Variants in MAGI1 observed in about 807,000 individuals in gnomAD.
MAGI1 encodes the protein membrane associated guanylate kinase, WW and PDZ domain containing 1.
MAGI1 carries 58 observed loss-of-function variants against 139.9 expected under a neutral mutation model. That is an observed-to-expected ratio of 0.41 (90% CI 0.34 to 0.52). MAGI1 has a LOEUF of 0.52. Ranked by LOEUF, MAGI1 falls within the 20% of genes least tolerant of loss-of-function variation. The probability of loss-of-function intolerance (pLI) is 0.12; values close to 1 mark genes in which losing one functional copy is unlikely to be tolerated. For synonymous variants in MAGI1, 812 were observed against 737.9 expected, an observed-to-expected ratio of 1.10 and a Z score of -1.63; for missense variants, 1,874 against 1,901.6, an observed-to-expected ratio of 0.99 and a Z score of 0.27.
At chr3:65,420,594 C>A (rs186356329) in intron 12 of MAGI1, among the ~76,000 whole-genome samples, 1 of 152,078 alleles carries the variant, frequency 6.6e-6, no homozygotes, top group Non-Finnish European at 1.5e-5. Flanking sequence ...ATGACAGGCA[C>A]GTGATGTTAA....
chr3:65,556,654 G>A (rs1353655699), intron 2 of MAGI1, among the ~76,000 whole-genome samples: 1 of 152,122 alleles, frequency 6.6e-6, no homozygotes, highest in African/African-American at 2.4e-5. Flanking sequence ...CATCCACCAT[G>A]ATCTTTTGCC....
chr3:65,802,848 C>CTGTGTGTG (rs55814110), intron 1 of MAGI1, among the ~76,000 whole-genome samples: 10,026 of 138,112 alleles, frequency 0.073, 480 homozygotes, highest in East Asian at 0.21. Context: ...ATCATCTCAT[C>CTGTGTGTG]TGTGTGTGTG....
chr3:65,442,067 T>G (rs2107433874), intron 8 of MAGI1, among the ~76,000 whole-genome samples: 1 of 136,884 alleles, frequency 7.3e-6, no homozygotes, highest in Non-Finnish European at 1.5e-5. Flanking sequence ...CTGAGGAAAC[T>G]ACATAATACA....
At chr3:66,037,265 G>A (rs1214952166) in intron 1 of MAGI1, among the ~76,000 whole-genome samples, 1 of 152,206 alleles carries the variant, frequency 6.6e-6, no homozygotes, top group Non-Finnish European at 1.5e-5. Context: ...AGCCGGGCAT[G>A]TAGTAAACCA....
chr3:65,884,629 G>A (rs781144375), intron 1 of MAGI1, among the ~76,000 whole-genome samples: 46 of 151,944 alleles, frequency 3.0e-4, no homozygotes, highest in Admixed American at 3.3e-4. Flanking sequence ...GGGGGTACAT[G>A]TGCAGGTTAG....
chr3:65,979,091 C>CT (rs2065423929), intron 1 of MAGI1, among the ~76,000 whole-genome samples: 4 of 102,330 alleles, frequency 3.9e-5, no homozygotes, highest in African/African-American at 1.6e-4. Context: ...CTTTTCTTCC[C>CT]CCCCCCCGCC....
At chr3:65,487,904 C>A (rs1242254659) in intron 3 of MAGI1, among the ~76,000 whole-genome samples, 1 of 152,190 alleles carries the variant, frequency 6.6e-6, no homozygotes, top group East Asian at 1.9e-4. Context: ...AGCCACCAGC[C>A]ATGTGTGGCT....
At chr3:65,720,013 G>A (rs555229187) in intron 1 of MAGI1, 17 of 152,182 alleles carry the variant, frequency 1.1e-4, no homozygotes, top group Non-Finnish European at 2.2e-4. Flanking sequence ...CTAAGTTATT[G>A]TTGACAGTAT....
intron 5 of MAGI1, among the ~76,000 whole-genome samples, chr3:65,453,559 A>T (rs1231250213): frequency 6.6e-6 from 1 of 152,132 alleles, no homozygotes; most frequent in Non-Finnish European, 1.5e-5. Flanking sequence ...ACATATGATT[A>T]TTCAATTACT....
At chr3:65,404,552 C>G (rs1945179756) in intron 12 of MAGI1, among the ~76,000 whole-genome samples, 1 of 152,172 alleles carries the variant, frequency 6.6e-6, no homozygotes, top group Non-Finnish European at 1.5e-5. Flanking sequence ...AATCAAGAGA[C>G]TCCACTTGAT....
chr3:65,578,953 G>A (rs1326663789), intron 2 of MAGI1, among the ~76,000 whole-genome samples: 1 of 151,586 alleles, frequency 6.6e-6, no homozygotes, highest in African/African-American at 2.4e-5. Flanking sequence ...GAGACAGAGA[G>A]AGAGAGAGAG....
intron 2 of MAGI1, among the ~76,000 whole-genome samples, chr3:65,582,013 C>T (rs1233507609): frequency 6.6e-6 from 1 of 152,074 alleles, no homozygotes; most frequent in Admixed American, 6.6e-5. Flanking sequence ...TGCACTAGCC[C>T]CTGTGGTAGA....
chr3:65,855,011 G>T lies in MAGI1; in HGVS notation c.313+182985C>A, dbSNP rs145136672. On this transcript the variant is annotated intron_variant, in intron 1 of 22. Transcript: ENST00000402939. ...CATCTGCTGGGTATTATGCAAGAGG[G>T]GATGGATGGTGCTGGCTGCAGCTGC... Among the ~76,000 whole-genome samples, 668 of 152,322 alleles carry T rather than the reference G, an allele frequency of 4.4e-3. 6 individuals are homozygous for T. Among genetic ancestry groups the T allele is most frequent in the African/African-American group, 0.015 (628 of 41,576 alleles).
chr3:66,014,862 C>T (rs2067537168), intron 1 of MAGI1, among the ~76,000 whole-genome samples: 1 of 152,166 alleles, frequency 6.6e-6, no homozygotes. Flanking sequence ...GCCTTTGCTC[C>T]CACTGTTGCC....
intron 2 of MAGI1, among the ~76,000 whole-genome samples, chr3:65,527,541 T>C (rs906567273): frequency 2.0e-5 from 3 of 152,026 alleles, no homozygotes; most frequent in Non-Finnish European, 2.9e-5. Flanking sequence ...CTGGTTAACA[T>C]GGTGAAACCC....
intron 1 of MAGI1, among the ~76,000 whole-genome samples, chr3:65,802,234 C>A (rs2040560485): frequency 6.6e-6 from 1 of 152,136 alleles, no homozygotes; most frequent in Non-Finnish European, 1.5e-5. Context: ...AGGTACAATT[C>A]TGCCCTTAAA....
In MAGI1 at chr3:65,912,732, A is replaced by G. The variant is rs560394211; in HGVS notation, c.313+125264T>C. Among the ~76,000 whole-genome samples, 15 of 152,306 alleles carry G rather than the reference A, an allele frequency of 9.8e-5. No individual in the cohort carries two copies. In the South Asian group the frequency reaches 3.1e-3, roughly 32 times the overall value. On this transcript the variant is annotated intron_variant, in intron 1 of 22. Transcript: ENST00000402939. ...CCTTAGAAGATTATTATGAGAATCAAAAGAAAGCATGAACATGGAAAATTT... is the reference window on the plus strand; with the variant it reads ...CCTTAGAAGATTATTATGAGAATCAGAAGAAAGCATGAACATGGAAAATTT...
chr3:65,456,600 A>G (rs1454484504), intron 5 of MAGI1, among the ~76,000 whole-genome samples: 1 of 151,966 alleles, frequency 6.6e-6, no homozygotes, highest in Non-Finnish European at 1.5e-5. Flanking sequence ...CTAGCCCTGT[A>G]TTTCAAAAAT....
rs2069038236 is a variant in MAGI1 at position 66,037,989 on chromosome 3, GCCTTA to G, written c.313+2_313+6del. ...GGGGCGCCCCCCAAAGGCGCGCCCT[GCCTTA>G]CCTTGTCTGACGGCCTTGAAGGTGA... On this transcript the variant is annotated splice_donor_variant and splice_donor_5th_base_variant and intron_variant, in intron 1 of 22. Transcript: ENST00000402939. LOFTEE classifies it high-confidence loss of function. 6.4e-7 allele frequency: 1 copy of G among 1,562,456 alleles called. No homozygotes were observed. The highest frequency in any genetic ancestry group is 8.7e-7 in the Non-Finnish European group (1 of 1,153,038).
Sources: gnomAD v4.1 joint callset for allele counts (sites outside exome capture counted in the v4.1 genomes callset) on GRCh38, gnomAD v4.1.1 for gene constraint, MANE v1.5 for transcripts, NCBI Gene and HGNC (gene_info 2026-07-23, HGNC 2026-07-21) for gene names.